BTBD9: variants seen among roughly 807,000 people sequenced by gnomAD.
The protein encoded by BTBD9 is BTB/POZ domain-containing protein 9.
BTBD9 carries 49 observed loss-of-function variants against 64.3 expected under a neutral mutation model. That is an observed-to-expected ratio of 0.76 (90% CI 0.61 to 0.97). The LOEUF is 0.97. BTBD9 is among the 50% of genes least tolerant of loss of function. The pLI is 0.00. For missense variants in BTBD9, 598 were observed against 762.1 expected (o/e 0.78, Z 2.53); for synonymous variants, 260 against 274.7 (o/e 0.95, Z 0.53).
intron 6 of BTBD9, among the ~76,000 whole-genome samples, chr6:38,531,062 A>G (rs1773779203): frequency 6.6e-6 from 1 of 152,202 alleles, no homozygotes; most frequent in Non-Finnish European, 1.5e-5. Flanking sequence ...ATTCAAAGTG[A>G]TAATAACTGA....
chr6:38,281,476 T>C (rs1761512646), intron 8 of BTBD9, among the ~76,000 whole-genome samples: 1 of 152,212 alleles, frequency 6.6e-6, no homozygotes, highest in Non-Finnish European at 1.5e-5. Flanking sequence ...TATTACTTCT[T>C]TTTATCTACT....
chr6:38,564,001 A>C (rs530092565), intron 6 of BTBD9, among the ~76,000 whole-genome samples: 55 of 151,682 alleles, frequency 3.6e-4, no homozygotes, highest in South Asian at 2.3e-3. Flanking sequence ...CCAGGATGGT[A>C]TCAATCTCCT....
At chr6:38,239,457 A>AT (rs1314867128) in intron 9 of BTBD9, among the ~76,000 whole-genome samples, 36 of 151,236 alleles carry the variant, frequency 2.4e-4, no homozygotes, top group East Asian at 2.0e-3. Context: ...AAAAAAAAAA[A>AT]AAAGATATAA....
chr6:38,401,905 A>T lies in BTBD9; in HGVS notation c.1155-56812T>A, dbSNP rs1353062999. 3.9e-5 allele frequency among the ~76,000 whole-genome samples: 6 copies of T among 152,358 alleles called. No homozygotes were observed. The East Asian group carries it at 7.7e-4, about 20-fold the overall frequency. On this transcript the variant is annotated intron_variant, in intron 6 of 10. Coordinates refer to ENST00000481247, the MANE Select transcript of BTBD9 (RefSeq NM_001099272.2). ...AGTGTTCAACAAATGTTAACTATAC[A>T]TACTCTACTCTTTAAAAGAATCCTA...
chr6:38,252,881 C>T (rs1050023088), intron 9 of BTBD9, among the ~76,000 whole-genome samples: 14 of 152,106 alleles, frequency 9.2e-5, no homozygotes, highest in African/African-American at 4.8e-5. Flanking sequence ...CCAAGGTGGG[C>T]GGATCACCTG....
In BTBD9 at chr6:38,574,412, C is replaced by T. The variant is rs149312298; in HGVS notation, c.1154+3188G>A. 6.6e-5 allele frequency among the ~76,000 whole-genome samples: 10 copies of T among 152,164 alleles called. No homozygotes were observed. In the East Asian group the frequency reaches 1.9e-3, roughly 29 times the overall value. On this transcript the variant is annotated intron_variant, in intron 6 of 10. Transcript: ENST00000481247. ...AAAACTGTTTAAGGCATGTTTTGGA[C>T]TGTATGTATGGGTTGGCGATACAAA...
At chr6:38,580,132 T>A in intron 5 of BTBD9, 86 bp downstream of exon 5, 1 of 1,265,610 alleles carries the variant, frequency 7.9e-7, no homozygotes, top group Non-Finnish European at 1.1e-6. Context: ...AAATAAACCA[T>A]CATATCTGTA....
chr6:38,258,942 T>A (rs1764703815), intron 8 of BTBD9, among the ~76,000 whole-genome samples: 1 of 152,186 alleles, frequency 6.6e-6, no homozygotes, highest in Admixed American at 6.5e-5. Flanking sequence ...ATGGCCAACA[T>A]TTCTTTAATG....
intron 9 of BTBD9, among the ~76,000 whole-genome samples, chr6:38,250,811 G>A (rs1179090341): frequency 6.6e-6 from 1 of 152,146 alleles, no homozygotes; most frequent in South Asian, 2.1e-4. Context: ...GGTGGCTCAC[G>A]CCTGTAATCC....
At chr6:38,455,702 T>A (rs1049352557) in intron 6 of BTBD9, among the ~76,000 whole-genome samples, 1 of 152,212 alleles carries the variant, frequency 6.6e-6, no homozygotes, top group Non-Finnish European at 1.5e-5. Flanking sequence ...TTTTGTCAAC[T>A]TTTTTGTTTG....
intron 8 of BTBD9, among the ~76,000 whole-genome samples, chr6:38,266,623 A>AAAGG (rs1278736155): frequency 4.4e-4 from 27 of 60,718 alleles, no homozygotes; most frequent in African/African-American, 1.8e-3. Flanking sequence ...AGAAAGAAAG[A>AAAGG]AAGAAAGAAA....
At chr6:38,441,579 G>C (rs997067704) in intron 6 of BTBD9, among the ~76,000 whole-genome samples, 1 of 151,912 alleles carries the variant, frequency 6.6e-6, no homozygotes, top group African/African-American at 2.4e-5. Flanking sequence ...TGCCTGGCTA[G>C]TTAAAAAAAA....
At chr6:38,501,190 C>T (rs574048613) in intron 6 of BTBD9, among the ~76,000 whole-genome samples, 8 of 152,208 alleles carry the variant, frequency 5.3e-5, no homozygotes, top group South Asian at 2.1e-4. Flanking sequence ...GAACACCTGA[C>T]GCGAGTGTTA....
At chr6:38,194,565 C>T (rs1384956992) in intron 9 of BTBD9, among the ~76,000 whole-genome samples, 1 of 152,204 alleles carries the variant, frequency 6.6e-6, no homozygotes, top group Non-Finnish European at 1.5e-5. Flanking sequence ...TGATTCTGGA[C>T]AGTTGGAAGC....
intron 6 of BTBD9, among the ~76,000 whole-genome samples, chr6:38,374,296 T>TAC (rs1491482634): frequency 0.018 from 1,281 of 70,394 alleles, 142 homozygotes; most frequent in East Asian, 0.16. Context: ...TATATATATA[T>TAC]GTATATATAT....
chr6:38,306,792 AAAGAC>A (rs1183396380), intron 7 of BTBD9, among the ~76,000 whole-genome samples: 4 of 152,214 alleles, frequency 2.6e-5, no homozygotes, highest in Non-Finnish European at 5.9e-5. Flanking sequence ...GGTGGAGGAA[AAAGAC>A]CCACTTGAAG....
intron 9 of BTBD9, among the ~76,000 whole-genome samples, chr6:38,225,652 G>A (rs916266252): frequency 6.6e-6 from 1 of 152,160 alleles, no homozygotes; most frequent in Non-Finnish European, 1.5e-5. Context: ...ATTATAAATT[G>A]TGACAGGTGC....
chr6:38,592,903 GT>G (rs1416979918), intron 3 of BTBD9, 63 bp from the exon 4 acceptor site: 3 of 1,534,884 alleles, frequency 2.0e-6, no homozygotes, highest in Middle Eastern at 2.0e-4. Context: ...TGACCAATCA[GT>G]AAAAGCTTAC....
At chr6:38,250,886 C>T (rs940417406) in intron 9 of BTBD9, among the ~76,000 whole-genome samples, 5 of 152,002 alleles carry the variant, frequency 3.3e-5, no homozygotes, top group African/African-American at 7.2e-5. Context: ...GCCTGACCAA[C>T]GTAGGGAAAC....
Sources: allele counts gnomAD v4.1 joint callset (sites outside exome capture counted in the v4.1 genomes callset), GRCh38; gene constraint gnomAD v4.1.1; transcripts MANE v1.5; gene names NCBI Gene and HGNC (gene_info 2026-07-23, HGNC 2026-07-21).